The following LHFPL6 variants were observed in gnomAD, a reference collection of about 807,000 sequenced individuals.
LHFPL6 encodes the protein LHFPL tetraspan subfamily member 6, also known as LHFPL tetraspan subfamily member 6 protein.
A neutral mutation model predicts 20.6 loss-of-function variants in LHFPL6; 9 were observed. The ratio of observed to expected loss-of-function variants is 0.44; its 90% confidence interval spans 0.26 to 0.76. LHFPL6 has a LOEUF of 0.76. Ranked by LOEUF, LHFPL6 falls within the 30% of genes least tolerant of loss-of-function variation. LHFPL6 has a pLI of 0.20. For synonymous variants in LHFPL6, 105 were observed against 98.7 expected (o/e 1.06, Z -0.38); for missense variants, 218 against 253.5 (o/e 0.86, Z 0.95).
rs143866845 is a variant in LHFPL6, at chr13:39,513,771, T to C, written c.385+87061A>G. On this transcript the variant is annotated intron_variant, in intron 2 of 3. Transcript: ENST00000379589. ...TCCAAGGTTATATATCTTTTCAAGA[T>C]CCAAACACAGGCCTTTATGATCCTA... Among the ~76,000 whole-genome samples the C allele has an allele frequency of 1.7e-3, 260 of 152,290 alleles. 2 individuals are homozygous for C. Among genetic ancestry groups the C allele is most frequent in the African/African-American group, 5.9e-3 (244 of 41,564 alleles).
At chr13:39,508,480 G>A (rs757681345) in intron 2 of LHFPL6, among the ~76,000 whole-genome samples, 13 of 151,942 alleles carry the variant, frequency 8.6e-5, no homozygotes, top group Admixed American at 1.3e-4. Flanking sequence ...CTTCCTCCCC[G>A]ATTCCATTCT....
intron 2 of LHFPL6, among the ~76,000 whole-genome samples, chr13:39,497,452 C>A (rs1225393044): frequency 1.3e-5 from 2 of 152,218 alleles, no homozygotes; most frequent in African/African-American, 4.8e-5. Context: ...AATTTCATGT[C>A]ATCTCTGGTG....
intron 2 of LHFPL6, among the ~76,000 whole-genome samples, chr13:39,443,136 A>G (rs1453422762): frequency 1.3e-5 from 2 of 152,152 alleles, no homozygotes; most frequent in African/African-American, 4.8e-5. Context: ...CAATGTTACT[A>G]TGGGAGTGAG....
chr13:39,508,695 T>C lies in LHFPL6; in HGVS notation c.385+92137A>G, dbSNP rs143727767. On this transcript the variant is annotated intron_variant, in intron 2 of 3. Transcript: ENST00000379589. ...TTTTCACTGGTAAATAATATTCCAG[T>C]GTATGGATATATCCCAATATTGTTT... Among the ~76,000 whole-genome samples the C allele has an allele frequency of 6.6e-5, 10 of 152,352 alleles. No homozygotes were observed. In the East Asian group the frequency reaches 1.7e-3, roughly 26 times the overall value.
At chr13:39,522,024 C>G (rs1162368137) in intron 2 of LHFPL6, among the ~76,000 whole-genome samples, 3 of 152,314 alleles carry the variant, frequency 2.0e-5, no homozygotes, top group African/African-American at 7.2e-5. Context: ...TCACCCCAAA[C>G]CCCTAGTACA....
intron 2 of LHFPL6, among the ~76,000 whole-genome samples, chr13:39,480,880 T>C (rs867968398): frequency 3.3e-5 from 5 of 152,186 alleles, no homozygotes; most frequent in East Asian, 1.9e-4. Flanking sequence ...GTATTTAATA[T>C]TGAAAAACTG....
chr13:39,456,279 T>C (rs1437202486), intron 2 of LHFPL6, among the ~76,000 whole-genome samples: 1 of 152,218 alleles, frequency 6.6e-6, no homozygotes, highest in African/African-American at 2.4e-5. Context: ...AGAAAATAAC[T>C]ATTCAAGGAT....
At chr13:39,537,984 CTTTCTTTCTT>C (rs1285745864) in intron 2 of LHFPL6, among the ~76,000 whole-genome samples, 8 of 32,334 alleles carry the variant, frequency 2.5e-4, no homozygotes, top group East Asian at 7.8e-4. Context: ...TTCTTTCTTT[CTTTCTTTCTT>C]TTTTTTTTTT....
chr13:39,498,500 C>T (rs1869173851), intron 2 of LHFPL6, among the ~76,000 whole-genome samples: 1 of 152,142 alleles, frequency 6.6e-6, no homozygotes. Context: ...CCCTTTTTCT[C>T]GTTCAGATTT....
intron 3 of LHFPL6, among the ~76,000 whole-genome samples, chr13:39,345,733 C>T (rs1869384721): frequency 6.6e-6 from 1 of 151,916 alleles, no homozygotes; most frequent in Admixed American, 6.6e-5. Flanking sequence ...TTCATAAAGA[C>T]GTTTATCTCA....
chr13:39,352,208 G>A (rs1869586687), intron 3 of LHFPL6, among the ~76,000 whole-genome samples: 1 of 152,166 alleles, frequency 6.6e-6, no homozygotes, highest in Admixed American at 6.5e-5. Flanking sequence ...AATGCTACCT[G>A]CAGGAGAAAC....
rs188279850 is a variant in LHFPL6 at position 39,453,351 on chromosome 13, A to G, written c.386-74825T>C. ...GCAAATTAAGAGGATGAATGAAGCT[A>G]TATCAATGTTAGGCTTATGTAGTAT... On this transcript the variant is annotated intron_variant, in intron 2 of 3. Coordinates refer to ENST00000379589, the MANE Select transcript of LHFPL6 (RefSeq NM_005780.3). 2.2e-4 allele frequency among the ~76,000 whole-genome samples: 33 copies of G among 152,374 alleles called. No individual in the cohort carries two copies. In the East Asian group the frequency reaches 6.0e-3, roughly 28 times the overall value.
At chr13:39,427,824 G>T (rs1871684627) in intron 2 of LHFPL6, among the ~76,000 whole-genome samples, 1 of 152,224 alleles carries the variant, frequency 6.6e-6, no homozygotes, top group African/African-American at 2.4e-5. Context: ...GGTGGAAGAT[G>T]ACTGGATCAC....
intron 3 of LHFPL6, among the ~76,000 whole-genome samples, chr13:39,357,275 CAAAGA>C (rs1869750607): frequency 6.6e-6 from 1 of 152,158 alleles, no homozygotes; most frequent in Non-Finnish European, 1.5e-5. Context: ...ACCAGACACT[CAAAGA>C]AGAGTTTTGT....
chr13:39,464,593 T>C (rs1259283301), intron 2 of LHFPL6, among the ~76,000 whole-genome samples: 1 of 152,206 alleles, frequency 6.6e-6, no homozygotes, highest in South Asian at 2.1e-4. Flanking sequence ...TTTTATTCTA[T>C]TCCATGAAGT....
chr13:39,417,884 AAAGG>A (rs1223340856), intron 2 of LHFPL6, among the ~76,000 whole-genome samples: 1 of 152,194 alleles, frequency 6.6e-6, no homozygotes, highest in Non-Finnish European at 1.5e-5. Flanking sequence ...AAAGCGAAAG[AAAGG>A]AAGAAAGGAG....
intron 2 of LHFPL6, among the ~76,000 whole-genome samples, chr13:39,432,818 T>A (rs1257695489): frequency 6.6e-6 from 1 of 152,222 alleles, no homozygotes. Context: ...GCCTACCACA[T>A]AATAAGTAGC....
At chr13:39,392,776 C>A (rs1449553691) in intron 2 of LHFPL6, among the ~76,000 whole-genome samples, 1 of 151,750 alleles carries the variant, frequency 6.6e-6, no homozygotes, top group Admixed American at 6.6e-5. Context: ...GCACGAGATA[C>A]ATTTTAAGGT....
chr13:39,545,245 CAAAAAAAAAAA>C (rs35606384), intron 2 of LHFPL6, among the ~76,000 whole-genome samples: 1 of 67,948 alleles, frequency 1.5e-5, no homozygotes, highest in African/African-American at 7.1e-5. Context: ...GACTCCGTCT[CAAAAAAAAAAA>C]AAAAAAAAAA....
Sources: allele counts gnomAD v4.1 joint callset (sites outside exome capture counted in the v4.1 genomes callset), GRCh38; gene constraint gnomAD v4.1.1; transcripts MANE v1.5; gene names NCBI Gene and HGNC (gene_info 2026-07-23, HGNC 2026-07-21).